Variants in FRMD4A observed in about 807,000 individuals in gnomAD.
FRMD4A encodes the protein FERM domain containing 4A.
In FRMD4A, 29 loss-of-function variants were observed where a neutral mutation model predicts 129.1. The ratio of observed to expected loss-of-function variants is 0.22; its 90% CI spans 0.17 to 0.31. The LOEUF is 0.31. Among genes scored for constraint, FRMD4A ranks in the 10% least tolerant of loss-of-function variants. The pLI is 1.00. For missense variants in FRMD4A, 1,272 were observed against 1,375.8 expected (o/e 0.92, Z 1.19); for synonymous variants, 634 against 571.6 (o/e 1.11, Z -1.56).
chr10:13,893,865 A>C (rs964412311), intron 2 of FRMD4A, among the ~76,000 whole-genome samples: 1 of 151,774 alleles, frequency 6.6e-6, no homozygotes, highest in Non-Finnish European at 1.5e-5. Context: ...GAGTTGTTGA[A>C]TTTTATCCAC....
chr10:13,653,650 G>A (rs1352767587), intron 23 of FRMD4A, among the ~76,000 whole-genome samples: 1 of 152,130 alleles, frequency 6.6e-6, no homozygotes, highest in Non-Finnish European at 1.5e-5. Context: ...CCGAGGAAGG[G>A]GCCTCCTTAA....
In FRMD4A at chr10:13,666,336, G is replaced by T; in HGVS notation, c.1375-11C>A. ...TTCCAGCTCAGCTTCCTGTGGGAGG[G>T]AAAGCACCGGTTTGGGTTACTGGGG... On this transcript the variant is annotated splice_polypyrimidine_tract_variant and intron_variant, in intron 17 of 24. Transcript: ENST00000357447. 1 of 1,594,098 alleles carries T rather than the reference G, an allele frequency of 6.3e-7. No individual in the cohort carries two copies. The highest frequency in any genetic ancestry group is 1.1e-5 in the South Asian group (1 of 90,652).
chr10:13,946,691 TGG>T (rs1285593269), intron 2 of FRMD4A, among the ~76,000 whole-genome samples: 1 of 152,190 alleles, frequency 6.6e-6, no homozygotes, highest in African/African-American at 2.4e-5. Flanking sequence ...GCCAAGTGAT[TGG>T]TCCACTGAAG....
At position 14,330,130 on chromosome 10, in the gene FRMD4A, G is replaced by A; in HGVS notation, c.-28C>T. The A allele has an allele frequency of 1.3e-6, 2 of 1,551,064 alleles. No homozygotes were observed. Among genetic ancestry groups the A allele is most frequent in the Non-Finnish European group, 1.7e-6 (2 of 1,146,748 alleles). ...TCTCCGATTCCCATGCACGAATCCTGCTGCCGAGTCAGTCCTCCTGGGCCC... is the reference window on the plus strand; with the variant it reads ...TCTCCGATTCCCATGCACGAATCCTACTGCCGAGTCAGTCCTCCTGGGCCC... On this transcript the variant is annotated 5_prime_UTR_variant, in exon 2 of 25. Coordinates refer to ENST00000357447, the MANE Select transcript of FRMD4A (RefSeq NM_018027.5).
chr10:14,020,375 C>A (rs990164996), intron 2 of FRMD4A, among the ~76,000 whole-genome samples: 3 of 152,138 alleles, frequency 2.0e-5, no homozygotes, highest in Non-Finnish European at 4.4e-5. Flanking sequence ...AAAGAAGTGT[C>A]AATATGGAAA....
At chr10:14,197,869 A>AATT (rs1475520644) in intron 2 of FRMD4A, among the ~76,000 whole-genome samples, 3 of 152,190 alleles carry the variant, frequency 2.0e-5, no homozygotes, top group Non-Finnish European at 2.9e-5. Flanking sequence ...ATCCCACAGT[A>AATT]ATTTCCACGA....
intron 2 of FRMD4A, among the ~76,000 whole-genome samples, chr10:14,046,951 CAG>C (rs1450955771): frequency 6.6e-6 from 1 of 152,134 alleles, no homozygotes; most frequent in Admixed American, 6.5e-5. Flanking sequence ...AAAGAAAGGG[CAG>C]AGTCTTTATC....
At chr10:13,849,991 A>T (rs1395524088) in intron 3 of FRMD4A, among the ~76,000 whole-genome samples, 3 of 151,818 alleles carry the variant, frequency 2.0e-5, no homozygotes, top group Admixed American at 1.3e-4. Context: ...CAACATGGTG[A>T]AATCCCGCCT....
At chr10:13,870,573 C>T (rs142173142) in intron 2 of FRMD4A, among the ~76,000 whole-genome samples, 61 of 152,350 alleles carry the variant, frequency 4.0e-4, no homozygotes, top group African/African-American at 1.4e-3. Context: ...AGCCGTGGTC[C>T]TGTTTCTTGC....
chr10:14,017,936 G>C (rs993154217), intron 2 of FRMD4A, among the ~76,000 whole-genome samples: 2 of 152,212 alleles, frequency 1.3e-5, no homozygotes, highest in African/African-American at 4.8e-5. Context: ...AAACACCAAA[G>C]TGCAAGCTGT....
At chr10:13,926,635 GA>G (rs1249653356) in intron 2 of FRMD4A, among the ~76,000 whole-genome samples, 2 of 152,168 alleles carry the variant, frequency 1.3e-5, no homozygotes, top group African/African-American at 4.8e-5. Flanking sequence ...ACAGAGTTTT[GA>G]TTGTAGTAAG....
At chr10:13,829,215 T>G (rs1019837485) in intron 3 of FRMD4A, among the ~76,000 whole-genome samples, 1 of 152,122 alleles carries the variant, frequency 6.6e-6, no homozygotes, top group African/African-American at 2.4e-5. Context: ...GCTTTCACAT[T>G]GATAAACAAA....
chr10:13,796,922 G>A (rs1031675289), intron 4 of FRMD4A, among the ~76,000 whole-genome samples: 5 of 152,126 alleles, frequency 3.3e-5, no homozygotes, highest in Non-Finnish European at 7.4e-5. Flanking sequence ...GTTTCACCAT[G>A]TTGGTCAGGC....
chr10:13,726,454 A>T (rs1214859248), intron 12 of FRMD4A, among the ~76,000 whole-genome samples: 2 of 152,204 alleles, frequency 1.3e-5, no homozygotes, highest in Non-Finnish European at 2.9e-5. Flanking sequence ...TCATAACAAC[A>T]GCAAAACAAC....
chr10:14,286,664 G>T (rs919128297), intron 2 of FRMD4A, among the ~76,000 whole-genome samples: 1 of 152,136 alleles, frequency 6.6e-6, no homozygotes, highest in African/African-American at 2.4e-5. Context: ...AATGCCAGAA[G>T]TCACTTTCAC....
intron 2 of FRMD4A, among the ~76,000 whole-genome samples, chr10:13,983,006 G>A (rs11258773): frequency 0.033 from 5,057 of 152,074 alleles, 150 homozygotes; most frequent in East Asian, 0.12. Context: ...TGGCTCTGTC[G>A]TGCAGTGGGA....
intron 3 of FRMD4A, among the ~76,000 whole-genome samples, chr10:13,841,996 A>G (rs955775376): frequency 6.6e-6 from 1 of 152,126 alleles, no homozygotes; most frequent in Non-Finnish European, 1.5e-5. Context: ...CGATATTACA[A>G]CTATCCTTCC....
At chr10:14,319,769 G>A (rs916461963) in intron 2 of FRMD4A, among the ~76,000 whole-genome samples, 2 of 152,056 alleles carry the variant, frequency 1.3e-5, no homozygotes, top group Non-Finnish European at 2.9e-5. Flanking sequence ...ATCTAATCCA[G>A]GACCTAACCC....
chr10:13,678,077 T>C (rs1412595408), intron 15 of FRMD4A, among the ~76,000 whole-genome samples: 2 of 152,232 alleles, frequency 1.3e-5, no homozygotes, highest in East Asian at 1.9e-4. Context: ...TGGATGATCA[T>C]GTTGCTAGTT....
Sources: allele counts gnomAD v4.1 joint callset (sites outside exome capture counted in the v4.1 genomes callset), GRCh38; gene constraint gnomAD v4.1.1; transcripts MANE v1.5; gene names NCBI Gene and HGNC (gene_info 2026-07-23, HGNC 2026-07-21).